Variants in F8 observed in about 807,000 individuals in gnomAD.
The protein encoded by F8 is antihemophilic factor.
F8 carries 12 observed loss-of-function variants against 140.6 expected under a neutral mutation model. The ratio of observed to expected loss-of-function variants is 0.09; its 90% CI spans 0.05 to 0.14. The LOEUF is 0.14. F8 is among the 10% of genes least tolerant of loss of function. The pLI is 1.00. For missense variants in F8, 1,354 were observed against 1,720.7 expected (o/e 0.79, Z 3.77); for synonymous variants, 585 against 614.6 (o/e 0.95, Z 0.71).
chrX:154,979,522 G>T (rs1271960996), intron 6 of F8, among the ~76,000 whole-genome samples: 2 of 111,685 alleles, frequency 1.8e-5, no homozygotes, highest in East Asian at 5.6e-4. Context: ...TCAGGTTGGG[G>T]TGCAGCAGTA....
intron 15 of F8, among the ~76,000 whole-genome samples, chrX:154,905,503 T>C (rs1557276280): frequency 8.9e-6 from 1 of 112,041 alleles, no homozygotes; most frequent in African/African-American, 3.2e-5. Flanking sequence ...TAATTTTAGA[T>C]CCTTCTACAT....
intron 6 of F8, 63 bp from the exon 7 acceptor site, chrX:154,969,615 G>C (rs943816141): frequency 2.0e-6 from 2 of 999,508 alleles, no homozygotes; most frequent in African/African-American, 3.7e-5. Flanking sequence ...GAAAACACTT[G>C]CTAGGACAGA....
At chrX:154,942,701 A>C (rs1412518875) in intron 13 of F8, among the ~76,000 whole-genome samples, 1 of 110,570 alleles carries the variant, frequency 9.0e-6, no homozygotes, top group East Asian at 2.8e-4. Context: ...AAAGCCGGGC[A>C]GAGACAAAAC....
At chrX:154,838,541 G>C (rs1557271120) in intron 25 of F8, among the ~76,000 whole-genome samples, 1 of 111,871 alleles carries the variant, frequency 8.9e-6, no homozygotes, top group Admixed American at 9.5e-5. Flanking sequence ...CTCTTGCAAG[G>C]ACAGACAGAC....
chrX:155,007,212 T>C (rs190530072), intron 1 of F8, among the ~76,000 whole-genome samples: 13 of 112,612 alleles, frequency 1.2e-4, no homozygotes, highest in Admixed American at 6.5e-4. Flanking sequence ...AATACGTTAA[T>C]GCCAACAGAA....
intron 8 of F8, 95 bp downstream of exon 8, chrX:154,966,331 C>T (rs2073423306): frequency 4.5e-6 from 5 of 1,106,373 alleles, no homozygotes; most frequent in African/African-American, 1.8e-5. Context: ...TGTACCTAAC[C>T]TTAAACATGG....
At chrX:154,954,721 AT>A (rs1254998507) in intron 11 of F8, among the ~76,000 whole-genome samples, 1 of 112,011 alleles carries the variant, frequency 8.9e-6, no homozygotes, top group Non-Finnish European at 1.9e-5. Context: ...CTATAGCTAT[AT>A]AAACCAAAAT....
intron 22 of F8, among the ~76,000 whole-genome samples, chrX:154,880,239 A>T (rs1159418362): frequency 8.9e-6 from 1 of 111,860 alleles, no homozygotes; most frequent in Non-Finnish European, 1.9e-5. Context: ...TGCCACCTCA[A>T]AATATGCCAC....
chrX:155,020,146 T>C (rs1221099559), intron 1 of F8, among the ~76,000 whole-genome samples: 2 of 111,760 alleles, frequency 1.8e-5, no homozygotes, highest in Non-Finnish European at 3.8e-5. Flanking sequence ...TATCATAGGC[T>C]CACTGTAATC....
chrX:154,924,965 C>A (rs1214726620), intron 14 of F8, among the ~76,000 whole-genome samples: 1 of 112,135 alleles, frequency 8.9e-6, no homozygotes, highest in Non-Finnish European at 1.9e-5. Context: ...CAACTTTTTC[C>A]TCTTAGGCCT....
intron 15 of F8, 122 bp downstream of exon 15, chrX:154,906,298 A>G: frequency 1.7e-6 from 1 of 603,627 alleles, no homozygotes; most frequent in African/African-American, 2.3e-5. Flanking sequence ...ACGTACACAA[A>G]GATAATTATG....
intron 7 of F8, among the ~76,000 whole-genome samples, chrX:154,967,717 T>C (rs1475548715): frequency 8.9e-6 from 1 of 112,284 alleles, no homozygotes; most frequent in African/African-American, 3.2e-5. Context: ...CAATGATTGA[T>C]TGACAATGAT....
At chrX:155,004,418 A>G (rs2073665979) in intron 1 of F8, among the ~76,000 whole-genome samples, 1 of 112,188 alleles carries the variant, frequency 8.9e-6, no homozygotes, top group South Asian at 3.7e-4. Flanking sequence ...TCAGCCACAG[A>G]AACAGCACTA....
intron 22 of F8, among the ~76,000 whole-genome samples, chrX:154,893,446 G>T (rs2072959440): frequency 8.9e-6 from 1 of 112,583 alleles, no homozygotes; most frequent in Admixed American, 9.3e-5. Flanking sequence ...GAATTGGATA[G>T]ATTATTGTAG....
rs1260812935 is a variant in F8 at position 154,888,404 on chromosome X, TTTCC to T, written c.6429+7669_6429+7672del. 6.2e-4 allele frequency among the ~76,000 whole-genome samples: 53 copies of T among 85,678 alleles called. No individual in the cohort carries two copies. The South Asian group carries it at 0.012, about 19-fold the overall frequency. 74.4% of individuals were successfully genotyped at this position (85,678 alleles called of 115,157 possible). On this transcript the variant is annotated intron_variant, in intron 22 of 25. Transcript: ENST00000360256. Reference sequence around the variant, plus strand: ...GATTTTTTTTTTTTTTTTTTTTTTTTTTCCCCCCGAGATGGAGTCTCACTCTGTC... The same window carrying T: ...GATTTTTTTTTTTTTTTTTTTTTTTTCCCCGAGATGGAGTCTCACTCTGTC...
chrX:154,931,572 C>T lies in F8; in HGVS notation c.2218G>A (p.Asp740Asn), dbSNP rs931017258. The change falls in exon 14 of 26, where the codon GAC (aspartate) becomes AAC (asparagine). Residue 740 changes from aspartate (D) to asparagine (N), a missense_variant. Around this residue, in one of 4 missense-constraint regions of F8, gnomAD observed 252 missense variants for 338.5 expected, o/e 0.74. Coordinates refer to ENST00000360256, the MANE Select transcript of F8 (RefSeq NM_000132.4). ...CDKNTGDYYE[D>N]SYEDISAYLL... is the part of the protein sequence containing the mutation. ...TATGCTGAAATATCTTCATAACTGT[C>T]CTCGTAATAATCACCAGTGTTCTTG... The T allele has an allele frequency of 8.3e-7, 1 of 1,210,838 alleles. No individual in the cohort carries two copies. Among genetic ancestry groups the T allele is most frequent in the Admixed American group, 2.2e-5 (1 of 45,996 alleles).
intron 12 of F8, among the ~76,000 whole-genome samples, chrX:154,952,835 C>T (rs1455876253): frequency 8.9e-6 from 1 of 112,088 alleles, no homozygotes; most frequent in African/African-American, 3.2e-5. Flanking sequence ...AGCCACTGTG[C>T]CCGGCCTGTT....
At chrX:154,986,487 C>T (rs1283372824) in intron 5 of F8, among the ~76,000 whole-genome samples, 3 of 109,720 alleles carry the variant, frequency 2.7e-5, no homozygotes, top group Non-Finnish European at 3.8e-5. Context: ...GATGTGGTTT[C>T]GCCCTGTTGC....
At chrX:154,910,337 C>T (rs782450011) in intron 14 of F8, among the ~76,000 whole-genome samples, 10 of 107,453 alleles carry the variant, frequency 9.3e-5, no homozygotes, top group South Asian at 8.6e-4. Flanking sequence ...AACCAAACAC[C>T]GCATGTTCTT....
Sources: gnomAD v4.1 joint callset for allele counts (sites outside exome capture counted in the v4.1 genomes callset) on GRCh38, gnomAD v4.1.1 for gene constraint, gnomAD v4.1.1 regional missense constraint, MANE v1.5 for transcripts, NCBI Gene and HGNC (gene_info 2026-07-23, HGNC 2026-07-21) for gene names.